DGKG: variants seen among roughly 807,000 people sequenced by gnomAD.
DGKG encodes the protein DAG kinase gamma.
DGKG carries 78 observed loss-of-function variants against 105.3 expected under a neutral mutation model. The observed-to-expected ratio is 0.74, with a 90% confidence interval of 0.62 to 0.89. The LOEUF (loss-of-function observed/expected upper bound fraction) is 0.89. Among genes scored for constraint, DGKG ranks in the 40% least tolerant of loss-of-function variants. The pLI is 0.00. For missense variants in DGKG, 958 were observed against 1,020.1 expected, an observed-to-expected ratio of 0.94 and a Z score of 0.83; for synonymous variants, 346 against 367.1, an observed-to-expected ratio of 0.94 and a Z score of 0.66.
chr3:186,281,825 G>A (rs531169626), intron 7 of DGKG, among the ~76,000 whole-genome samples: 3 of 152,292 alleles, frequency 2.0e-5, no homozygotes, highest in East Asian at 3.9e-4. Flanking sequence ...CTTGGGCTAT[G>A]AAAATAGAAG....
rs1725025661 is a variant in DGKG, at chr3:186,320,424, T to C, written c.36A>G (p.Glu12=). 1 of 1,614,098 alleles carries C rather than the reference T, an allele frequency of 6.2e-7. No homozygotes were observed. The highest frequency in any genetic ancestry group is 8.5e-7 in the Non-Finnish European group (1 of 1,180,038). ...AATATTTCTGGAGTTGGTCAAATTC[T>C]TCTGGAGTGAGGGAGACCCACCGTT... ...GEERWVSLTP[E]EFDQLQKYSE... Residue 12 remains glutamate, a synonymous_variant, in exon 2 of 25, where the codon GAA becomes GAG. Transcript: ENST00000265022.
chr3:186,162,195 C>T (rs989624050), intron 23 of DGKG, among the ~76,000 whole-genome samples: 70 of 152,288 alleles, frequency 4.6e-4, no homozygotes, highest in Admixed American at 1.2e-3. Context: ...TGCGCTCGGC[C>T]GGGTCTGTGT....
chr3:186,242,159 C>T (rs1720718774), intron 20 of DGKG, among the ~76,000 whole-genome samples: 2 of 152,164 alleles, frequency 1.3e-5, no homozygotes, highest in Admixed American at 6.5e-5. Context: ...GGGTTGGAGG[C>T]GCTGTACTTG....
chr3:186,280,584 G>T lies in DGKG; in HGVS notation c.669+86C>A. The T allele has an allele frequency of 2.8e-6, 3 of 1,084,346 alleles. 1 individual carries two copies. The highest frequency in any genetic ancestry group is 4.7e-5 in the East Asian group (2 of 42,180). The allele number at this position is 1,084,346 out of a possible 1,614,324, so 67.2% of individuals were successfully genotyped here. Reference sequence around the variant, plus strand: ...AAGATGAGTCTGGGAGCACCTGCAGGGTTAACACTCATTCATGTCTTGAGT... The same window carrying T: ...AAGATGAGTCTGGGAGCACCTGCAGTGTTAACACTCATTCATGTCTTGAGT... On this transcript the variant is annotated intron_variant, in intron 8 of 24. Transcript: ENST00000265022.
At chr3:186,187,977 A>G (rs1717722532) in intron 22 of DGKG, among the ~76,000 whole-genome samples, 3 of 152,192 alleles carry the variant, frequency 2.0e-5, no homozygotes, top group African/African-American at 7.2e-5. Flanking sequence ...AACCTCATGG[A>G]GCCCCACAGC....
chr3:186,200,056 T>A (rs1389521364), intron 21 of DGKG, among the ~76,000 whole-genome samples: 1 of 152,144 alleles, frequency 6.6e-6, no homozygotes, highest in Non-Finnish European at 1.5e-5. Flanking sequence ...GGAATTTGAT[T>A]TTTCATTTTA....
chr3:186,279,688 A>AC (rs1237569565), intron 9 of DGKG, 163 bp downstream of exon 9: 1 of 634,170 alleles, frequency 1.6e-6, no homozygotes, highest in African/African-American at 1.9e-5. Context: ...TACTTCAGGC[A>AC]CTAATGGATA....
chr3:186,294,943 C>T (rs1202014544), intron 5 of DGKG, among the ~76,000 whole-genome samples: 2 of 152,168 alleles, frequency 1.3e-5, no homozygotes, highest in Non-Finnish European at 2.9e-5. Flanking sequence ...TTCTGGTGCT[C>T]TGTGCATGGA....
At position 186,272,243 on chromosome 3, in the gene DGKG, G is replaced by T. The variant is rs371411826; in HGVS notation, c.999+12C>A. On this transcript the variant is annotated intron_variant, in intron 11 of 24. Transcript: ENST00000265022. ...AGGCATGCAGTAGAACAAGGCAGTA[G>T]ATGTCACCAACCTCACCACTCCTTT... 1.4e-5 allele frequency: 23 copies of T among 1,603,826 alleles called. No individual in the cohort carries two copies. The African/African-American group carries it at 2.5e-4, about 18-fold the overall frequency.
intron 23 of DGKG, among the ~76,000 whole-genome samples, chr3:186,164,410 T>C (rs1342559082): frequency 6.6e-6 from 1 of 152,238 alleles, no homozygotes; most frequent in Non-Finnish European, 1.5e-5. Context: ...TCATCCTGTC[T>C]GTCAATTATG....
intron 20 of DGKG, among the ~76,000 whole-genome samples, chr3:186,216,697 A>G (rs1183078691): frequency 6.6e-6 from 1 of 152,106 alleles, no homozygotes; most frequent in Non-Finnish European, 1.5e-5. Flanking sequence ...CTACAATTTG[A>G]GCTGGGAGAT....
chr3:186,151,533 T>A (rs1715759245), intron 24 of DGKG, among the ~76,000 whole-genome samples: 1 of 152,026 alleles, frequency 6.6e-6, no homozygotes, highest in Non-Finnish European at 1.5e-5. Context: ...GGTAGAGAAG[T>A]CACAGATGAG....
At chr3:186,360,322 A>G (rs745356272) in intron 1 of DGKG, among the ~76,000 whole-genome samples, 11 of 152,186 alleles carry the variant, frequency 7.2e-5, no homozygotes, top group Non-Finnish European at 1.5e-4. Flanking sequence ...CTCATCTACT[A>G]GCTTCCCACC....
intron 22 of DGKG, among the ~76,000 whole-genome samples, chr3:186,176,113 A>T (rs1033403486): frequency 1.3e-5 from 2 of 152,196 alleles, no homozygotes; most frequent in African/African-American, 4.8e-5. Context: ...GCCTCTTCTC[A>T]TCTCCTCTCA....
intron 14 of DGKG, among the ~76,000 whole-genome samples, chr3:186,264,351 C>G (rs1721938375): frequency 6.6e-6 from 1 of 152,148 alleles, no homozygotes; most frequent in Admixed American, 6.5e-5. Context: ...GCAACCTCCA[C>G]CTCCCAGGTT....
intron 20 of DGKG, among the ~76,000 whole-genome samples, chr3:186,212,763 C>T (rs1243000231): frequency 2.0e-5 from 3 of 152,168 alleles, no homozygotes; most frequent in Non-Finnish European, 2.9e-5. Flanking sequence ...CAACTGTCAC[C>T]CCATTATCAG....
At chr3:186,150,956 A>G (rs1258762831) in intron 24 of DGKG, among the ~76,000 whole-genome samples, 1 of 152,216 alleles carries the variant, frequency 6.6e-6, no homozygotes. Context: ...AATCTACATT[A>G]TCCATCCACA....
rs903728541 is a variant in DGKG, at chr3:186,187,986, G to T, written c.2095+216C>A. 3.9e-5 allele frequency among the ~76,000 whole-genome samples: 6 copies of T among 152,278 alleles called. No homozygotes were observed. The Middle Eastern group carries it at 0.01, about 259-fold the overall frequency. ...ACTCTGAACCTCATGGAGCCCCACA[G>T]CTTGACAACTGACTGTCATTGAGGA... On this transcript the variant is annotated intron_variant, in intron 22 of 24. Coordinates refer to ENST00000265022, the MANE Select transcript of DGKG (RefSeq NM_001346.3).
At chr3:186,275,290 ACT>A (rs1491113054) in intron 10 of DGKG, among the ~76,000 whole-genome samples, 3 of 152,216 alleles carry the variant, frequency 2.0e-5, no homozygotes, top group African/African-American at 7.2e-5. Flanking sequence ...TTATTTGTGG[ACT>A]TTAATAATTT....
Sources: allele counts gnomAD v4.1 joint callset (sites outside exome capture counted in the v4.1 genomes callset), GRCh38; gene constraint gnomAD v4.1.1; transcripts MANE v1.5; gene names NCBI Gene and HGNC (gene_info 2026-07-23, HGNC 2026-07-21).